The following RIMS1 variants were observed in gnomAD, a reference collection of about 807,000 sequenced individuals.
The protein encoded by RIMS1 is regulating synaptic membrane exocytosis 1.
RIMS1 carries 83 observed loss-of-function variants against 214.1 expected under a neutral mutation model. That is an observed-to-expected ratio of 0.39 (90% CI 0.32 to 0.47). The LOEUF is 0.47. Ranked by LOEUF, RIMS1 falls within the 20% of genes least tolerant of loss-of-function variation. The pLI is 0.99. For missense variants in RIMS1, 2,050 were observed against 2,161.8 expected (o/e 0.95, Z 1.03); for synonymous variants, 793 against 786.8 (o/e 1.01, Z -0.13).
chr6:71,969,018 G>A lies in RIMS1; in HGVS notation c.200G>A (p.Cys67Tyr). The A allele has an allele frequency of 1.2e-6, 2 of 1,613,998 alleles. No individual in the cohort carries two copies. The highest frequency in any genetic ancestry group is 1.7e-6 in the Non-Finnish European group (2 of 1,179,862). ...AGGGACATGGCGAAGCCTGCTGCCT[G>A]CAAAACACCAAGAAATGCTGAAAAC... ...VVRDMAKPAA[C>Y]KTPRNAENQP... The change falls in exon 2 of 34, where the codon TGC becomes TAC. Residue 67 changes from cysteine to tyrosine, a missense_variant. Cys to Tyr is a radical substitution (Grantham distance 194). Around this residue, in one of 6 missense-constraint regions of RIMS1, gnomAD observed 882 missense variants for 828.9 expected, o/e 1.06. Coordinates refer to ENST00000521978, the MANE Select transcript of RIMS1 (RefSeq NM_014989.7).
At chr6:71,890,343 GA>G (rs900914090) in intron 1 of RIMS1, among the ~76,000 whole-genome samples, 1 of 133,550 alleles carries the variant, frequency 7.5e-6, no homozygotes, top group Non-Finnish European at 1.6e-5. Context: ...TTTAATGATT[GA>G]CTTAATTATC....
intron 2 of RIMS1, among the ~76,000 whole-genome samples, chr6:72,038,118 A>C (rs9351884): frequency 7.5e-5 from 1 of 13,418 alleles, no homozygotes; most frequent in Non-Finnish European, 1.2e-4. Flanking sequence ...AAAAAAAAAA[A>C]ATATATATAT....
At chr6:72,160,938 G>A (rs1358970182) in intron 4 of RIMS1, among the ~76,000 whole-genome samples, 1 of 139,684 alleles carries the variant, frequency 7.2e-6, no homozygotes, top group Non-Finnish European at 1.6e-5. Flanking sequence ...CTATTGATTG[G>A]AATAGTTTCA....
chr6:71,936,348 A>AG (rs1562231076), intron 1 of RIMS1, among the ~76,000 whole-genome samples: 1 of 149,642 alleles, frequency 6.7e-6, no homozygotes, highest in Non-Finnish European at 1.5e-5. Flanking sequence ...AAAAAAAAAA[A>AG]AAAAGAAAAG....
intron 6 of RIMS1, among the ~76,000 whole-genome samples, chr6:72,205,767 T>A: frequency 6.6e-6 from 1 of 152,174 alleles, no homozygotes; most frequent in Non-Finnish European, 1.5e-5. Context: ...CAAGTATTTT[T>A]TATGATAACA....
At chr6:72,153,889 G>T (rs74516746) in intron 4 of RIMS1, among the ~76,000 whole-genome samples, 1 of 151,998 alleles carries the variant, frequency 6.6e-6, no homozygotes, top group African/African-American at 2.4e-5. Flanking sequence ...TTTTAAAAAC[G>T]TACAAAATAT....
intron 6 of RIMS1, among the ~76,000 whole-genome samples, chr6:72,187,925 A>G (rs1039094256): frequency 1.5e-4 from 23 of 152,160 alleles, no homozygotes; most frequent in African/African-American, 5.1e-4. Flanking sequence ...AGGTCCCACC[A>G]TAGGCTGTCT....
Position 72,179,768 on chromosome 6 carries a change from T to G in RIMS1, c.665T>G (p.Leu222Arg). 1 of 1,613,756 alleles carries G rather than the reference T, an allele frequency of 6.2e-7. No homozygotes were observed. The highest frequency in any genetic ancestry group is 2.2e-5 in the East Asian group (1 of 44,836). ...LQERSRSQTP[L>R]STAAASSQDA... ...GAGCGATCGCGGTCTCAGACACCCCTAAGCACAGCAGCTGCCTCCTCCCAG... is the reference window on the plus strand; with the variant it reads ...GAGCGATCGCGGTCTCAGACACCCCGAAGCACAGCAGCTGCCTCCTCCCAG... Residue 222 changes from leucine to arginine, a missense_variant, in exon 5 of 34, where the codon CTA becomes CGA. Physicochemically the swap from Leu to Arg is moderately radical, Grantham distance 102. Transcript: ENST00000521978.
At position 72,237,908 on chromosome 6, in the gene RIMS1, G is replaced by A; in HGVS notation, c.1943G>A (p.Gly648Glu). Reference sequence around the variant, plus strand: ...AAGGGTAGCCTAGCAGATGTAGTTGGACACCTAAGAGCAGGTAAAGTTTCT... The same window carrying A: ...AAGGGTAGCCTAGCAGATGTAGTTGAACACCTAAGAGCAGGTAAAGTTTCT... ...VKKGSLADVVGHLRAGDEVLE... is the reference protein window; with the variant it reads ...VKKGSLADVVEHLRAGDEVLE... Residue 648 changes from glycine to glutamate, a missense_variant, in exon 9 of 34, where the codon GGA (glycine) becomes GAA (glutamate). Physicochemically the swap from Gly to Glu is moderately conservative, Grantham distance 98. Around this residue, in one of 6 missense-constraint regions of RIMS1, gnomAD observed 111 missense variants for 166.2 expected, o/e 0.67. Coordinates refer to ENST00000521978, the MANE Select transcript of RIMS1 (RefSeq NM_014989.7). 6.2e-7 allele frequency: 1 copy of A among 1,611,744 alleles called. No individual in the cohort carries two copies. Among genetic ancestry groups the A allele is most frequent in the Non-Finnish European group, 8.5e-7 (1 of 1,178,382 alleles).
chr6:72,398,497 TA>T, intron 32 of RIMS1, 147 bp downstream of exon 32: 1 of 554,266 alleles, frequency 1.8e-6, no homozygotes, highest in Admixed American at 3.4e-5. Context: ...TTGATGTTAT[TA>T]AAACGGATTT....
intron 28 of RIMS1, among the ~76,000 whole-genome samples, chr6:72,327,207 C>T (rs758927043): frequency 3.3e-5 from 5 of 151,618 alleles, no homozygotes; most frequent in Non-Finnish European, 7.4e-5. Flanking sequence ...TGGCTGAATG[C>T]GTATAGACAC....
At chr6:71,983,542 G>C (rs911853697) in intron 2 of RIMS1, among the ~76,000 whole-genome samples, 1 of 151,866 alleles carries the variant, frequency 6.6e-6, no homozygotes. Flanking sequence ...ATTTGAGATT[G>C]TACAGCCAGC....
At chr6:72,373,745 A>G (rs2098289464) in intron 29 of RIMS1, among the ~76,000 whole-genome samples, 1 of 152,076 alleles carries the variant, frequency 6.6e-6, no homozygotes, top group African/African-American at 2.4e-5. Context: ...AATTTAGTCA[A>G]TTCCTTAAGA....
intron 24 of RIMS1, among the ~76,000 whole-genome samples, chr6:72,286,633 A>G (rs1481048364): frequency 6.6e-6 from 1 of 152,248 alleles, no homozygotes; most frequent in Admixed American, 6.5e-5. Context: ...AGGTTACAAA[A>G]GAAGAACTGG....
Position 72,111,636 on chromosome 6 carries a change from T to C in RIMS1, c.471+11650T>C, listed in dbSNP as rs1409257197. On this transcript the variant is annotated intron_variant, in intron 4 of 33. Coordinates refer to ENST00000521978, the MANE Select transcript of RIMS1 (RefSeq NM_014989.7). ...TATTGATCTTCTTCTAAATTTTAGT[T>C]TTAGATAAAGAGGAGAGTTTTACTT... Among the ~76,000 whole-genome samples the C allele has an allele frequency of 3.9e-5, 6 of 152,202 alleles. No homozygotes were observed. The East Asian group carries it at 1.2e-3, about 29-fold the overall frequency.
chr6:72,218,261 C>T (rs2496540), intron 6 of RIMS1, among the ~76,000 whole-genome samples: 67,459 of 151,810 alleles, frequency 0.44, 16,225 homozygotes, highest in East Asian at 0.81. Context: ...AGGACCTGGA[C>T]GCAGAGAGGC....
intron 1 of RIMS1, among the ~76,000 whole-genome samples, chr6:71,906,825 A>C (rs1273109041): frequency 6.6e-6 from 1 of 152,204 alleles, no homozygotes; most frequent in African/African-American, 2.4e-5. Flanking sequence ...GAATACACTT[A>C]GCACAGCTTT....
chr6:72,307,125 A>C (rs2095245607), intron 26 of RIMS1, 133 bp from the exon 27 acceptor site: 1 of 623,560 alleles, frequency 1.6e-6, no homozygotes, highest in Non-Finnish European at 2.9e-6. Context: ...ATTTTTGTTT[A>C]ATTTATTAAT....
chr6:72,261,691 C>G, intron 19 of RIMS1: 15 of 985,148 alleles, frequency 1.5e-5, no homozygotes, highest in Non-Finnish European at 1.8e-5. Context: ...GATGCAAAGA[C>G]AAATGCATGA....
Sources: allele counts gnomAD v4.1 joint callset (sites outside exome capture counted in the v4.1 genomes callset), GRCh38; gene constraint gnomAD v4.1.1; regional missense constraint gnomAD v4.1.1; transcripts MANE v1.5; gene names NCBI Gene and HGNC (gene_info 2026-07-23, HGNC 2026-07-21).